The following TSHR variants were observed in gnomAD, a reference collection of about 807,000 sequenced individuals.
TSHR encodes the protein thyroid stimulating hormone receptor.
A neutral mutation model predicts 64.1 loss-of-function variants in TSHR; 51 were observed. That is an observed-to-expected ratio of 0.80 (90% CI 0.64 to 1.01). The LOEUF (loss-of-function observed/expected upper bound fraction) is 1.01, where lower values mean the gene tolerates loss of function less well. Among genes scored for constraint, TSHR ranks in the 50% least tolerant of loss-of-function variants. TSHR has a pLI of 0.00. For missense variants in TSHR, 877 were observed against 942.8 expected (o/e 0.93, Z 0.91); for synonymous variants, 361 against 361.9 (o/e 1.00, Z 0.03).
At chr14:81,058,721 A>C (rs781007527) in intron 1 of TSHR, among the ~76,000 whole-genome samples, 85 of 152,224 alleles carry the variant, frequency 5.6e-4, no homozygotes, top group Non-Finnish European at 1.2e-4. Context: ...TATTTTTGTC[A>C]AAAGAATACA....
intron 8 of TSHR, among the ~76,000 whole-genome samples, chr14:81,136,259 G>A (rs987756398): frequency 6.6e-6 from 1 of 152,192 alleles, no homozygotes; most frequent in African/African-American, 2.4e-5. Flanking sequence ...GAATAAAAGT[G>A]GACAGGAAAG....
At chr14:81,123,257 C>A (rs1328195089) in intron 8 of TSHR, among the ~76,000 whole-genome samples, 1 of 152,174 alleles carries the variant, frequency 6.6e-6, no homozygotes, top group African/African-American at 2.4e-5. Flanking sequence ...AGAGTCCAGT[C>A]TCATTCCTGA....
chr14:81,018,920 A>G (rs940805822), intron 1 of TSHR, among the ~76,000 whole-genome samples: 2 of 152,372 alleles, frequency 1.3e-5, no homozygotes, highest in Middle Eastern at 6.8e-3. Context: ...AGATCAACTT[A>G]GTGAAAGCAG....
chr14:81,073,603 A>G (rs1321620446), intron 3 of TSHR, among the ~76,000 whole-genome samples: 1 of 152,192 alleles, frequency 6.6e-6, no homozygotes, highest in Non-Finnish European at 1.5e-5. Context: ...AAATCATAAT[A>G]AACATTAGAA....
Position 81,086,509 on chromosome 14 carries a change from C to T in TSHR, c.318-1445C>T, listed in dbSNP as rs535725780. 4.6e-5 allele frequency among the ~76,000 whole-genome samples: 7 copies of T among 152,248 alleles called. No homozygotes were observed. In the East Asian group the frequency reaches 7.7e-4, roughly 17 times the overall value. ...GCTTTCATTGCACTTATGAAAATAA[C>T]AATAATAAAAGCATTATTTTAGAGC... is the stretch of plus-strand genomic sequence containing the variant. On this transcript the variant is annotated intron_variant, in intron 3 of 9. Coordinates refer to ENST00000298171, the MANE Select transcript of TSHR (RefSeq NM_000369.5).
chr14:81,140,025 T>C (rs1215321713), intron 9 of TSHR, among the ~76,000 whole-genome samples, 158 bp downstream of exon 9: 1 of 152,190 alleles, frequency 6.6e-6, no homozygotes, highest in Non-Finnish European at 1.5e-5. Flanking sequence ...ACAGTGACCC[T>C]GCGGACCCAA....
At chr14:80,955,911 C>T (rs1886650557) in intron 1 of TSHR, 61 bp downstream of exon 1, 10 of 1,607,668 alleles carry the variant, frequency 6.2e-6, no homozygotes, top group Non-Finnish European at 8.5e-6. Context: ...CAGAGGTGGC[C>T]CGAAGTGCAC....
chr14:80,958,669 A>G (rs1347677269), intron 1 of TSHR, among the ~76,000 whole-genome samples: 2 of 152,194 alleles, frequency 1.3e-5, no homozygotes, highest in East Asian at 1.9e-4. Context: ...CTTTTTTTAC[A>G]TCTTTCTAGA....
chr14:81,052,678 G>C (rs1885502436), intron 1 of TSHR: 1 of 152,122 alleles, frequency 6.6e-6, no homozygotes, highest in Admixed American at 6.6e-5. Context: ...CATGAACACA[G>C]AATATCTTTC....
intron 8 of TSHR, chr14:81,108,790 C>T (rs1435216898): frequency 1.3e-6 from 2 of 1,581,224 alleles, no homozygotes; most frequent in Non-Finnish European, 1.7e-6. Context: ...AGATGGAAGG[C>T]ACTCTAGTCT....
intron 1 of TSHR, among the ~76,000 whole-genome samples, chr14:81,054,739 C>A (rs142949511): frequency 4.0e-4 from 61 of 152,112 alleles, no homozygotes; most frequent in African/African-American, 1.2e-3. Context: ...GTATATATAT[C>A]TCTATATATC....
At chr14:81,077,098 A>G (rs1338416222) in intron 3 of TSHR, among the ~76,000 whole-genome samples, 3 of 152,168 alleles carry the variant, frequency 2.0e-5, no homozygotes, top group Non-Finnish European at 4.4e-5. Flanking sequence ...CTACACAGAG[A>G]CACATACCAT....
intron 1 of TSHR, chr14:81,050,357 A>T (rs1313860030): frequency 1.3e-5 from 2 of 152,184 alleles, no homozygotes; most frequent in African/African-American, 4.8e-5. Flanking sequence ...AACATTTTTT[A>T]AAATGGATTC....
At chr14:81,074,491 G>A (rs1887347679) in intron 3 of TSHR, among the ~76,000 whole-genome samples, 1 of 152,098 alleles carries the variant, frequency 6.6e-6, no homozygotes, top group Admixed American at 6.5e-5. Flanking sequence ...TGGGTATAAG[G>A]CATGAAACTG....
At chr14:81,100,007 G>A (rs1889472766) in intron 7 of TSHR, among the ~76,000 whole-genome samples, 1 of 152,146 alleles carries the variant, frequency 6.6e-6, no homozygotes, top group South Asian at 2.1e-4. Flanking sequence ...CTATTGAAAG[G>A]ATGGAAAAAC....
At chr14:81,059,142 G>GA in intron 1 of TSHR, among the ~76,000 whole-genome samples, 1 of 152,158 alleles carries the variant, frequency 6.6e-6, no homozygotes, top group South Asian at 2.1e-4. Context: ...AACTATTAGG[G>GA]AAAAATGGAG....
At chr14:81,132,971 C>T (rs1045521108) in intron 8 of TSHR, among the ~76,000 whole-genome samples, 12 of 152,066 alleles carry the variant, frequency 7.9e-5, no homozygotes, top group Admixed American at 7.9e-4. Flanking sequence ...GGAAAAAATA[C>T]AGCCTCAAAT....
chr14:80,960,664 T>C (rs1886972590), intron 1 of TSHR, among the ~76,000 whole-genome samples: 1 of 152,214 alleles, frequency 6.6e-6, no homozygotes, highest in African/African-American at 2.4e-5. Context: ...TAGACAGATA[T>C]ATATGTGTGT....
chr14:81,008,537 T>C (rs1889728294), intron 1 of TSHR, among the ~76,000 whole-genome samples: 1 of 152,214 alleles, frequency 6.6e-6, no homozygotes, highest in Non-Finnish European at 1.5e-5. Context: ...ACGTGAACTC[T>C]AGGTAGTTTA....
Sources: allele counts gnomAD v4.1 joint callset (sites outside exome capture counted in the v4.1 genomes callset), GRCh38; gene constraint gnomAD v4.1.1; transcripts MANE v1.5; gene names NCBI Gene and HGNC (gene_info 2026-07-23, HGNC 2026-07-21).